The following ETFA variants were observed in gnomAD, a reference collection of about 807,000 sequenced individuals.
ETFA encodes the protein electron transfer flavoprotein subunit alpha, mitochondrial.
In ETFA, 22 loss-of-function variants were observed where a neutral mutation model predicts 46.2. The observed-to-expected ratio is 0.48, with a 90% CI of 0.34 to 0.68. The LOEUF (loss-of-function observed/expected upper bound fraction) is 0.68, where lower values mean the gene tolerates loss of function less well. Among genes scored for constraint, ETFA ranks in the 30% least tolerant of loss-of-function variants. The pLI is 0.01. For missense variants in ETFA, 345 were observed against 401.1 expected (o/e 0.86, Z 1.19); for synonymous variants, 131 against 139.9 (o/e 0.94, Z 0.45).
chr15:76,246,649 G>C (rs56313024), intron 9 of ETFA, among the ~76,000 whole-genome samples: 11,747 of 152,008 alleles, frequency 0.077, 509 homozygotes, highest in Middle Eastern at 0.12. Context: ...GGCTAACATG[G>C]TGAAATCCTG....
rs2469543 is a variant in ETFA, at chr15:76,263,274, G to A, written c.816+11138C>T. 3.4e-3 allele frequency among the ~76,000 whole-genome samples: 510 copies of A among 152,156 alleles called. 1 individual carries two copies. Among genetic ancestry groups the A allele is most frequent in the African/African-American group, 0.012 (480 of 41,496 alleles). ...CATCTTTTCTCATTCCTTTGACTCC[G>A]CCGGACTTTGTAGCCCCCATGGCCT... On this transcript the variant is annotated intron_variant, in intron 9 of 11. Coordinates refer to ENST00000557943, the MANE Select transcript of ETFA (RefSeq NM_000126.4).
intron 1 of ETFA, among the ~76,000 whole-genome samples, chr15:76,307,503 T>C (rs76354684): frequency 1.3e-5 from 2 of 152,208 alleles, no homozygotes; most frequent in South Asian, 4.1e-4. Context: ...TTTTTTTTTT[T>C]TGAAACAGCG....
Position 76,292,524 on chromosome 15 carries a change from A to T in ETFA, c.269-11T>A, listed in dbSNP as rs2039776268. 6.2e-7 allele frequency: 1 copy of T among 1,607,856 alleles called. No homozygotes were observed. Among genetic ancestry groups the T allele is most frequent in the African/African-American group, 1.3e-5 (1 of 74,830 alleles). On this transcript the variant is annotated splice_polypyrimidine_tract_variant and intron_variant, in intron 3 of 11. Transcript: ENST00000557943. ...ATGGTGTCAGTTCCTCTGAGAATTA[A>T]ACACATTTGATAAAAAAATATTTTG...
chr15:76,262,535 T>C (rs2039427528), intron 9 of ETFA, among the ~76,000 whole-genome samples: 1 of 129,094 alleles, frequency 7.7e-6, no homozygotes, highest in African/African-American at 2.8e-5. Flanking sequence ...CAGGCTGGAA[T>C]GCAGTGGTGC....
rs2039407905 is a variant in ETFA at position 76,261,161 on chromosome 15, G to T, written c.816+13251C>A. On this transcript the variant is annotated intron_variant, in intron 9 of 11. Transcript: ENST00000557943. ...TTTAAAACAAATGGAGAGGGAGCAG[G>T]TCCCCCGATCTTCGTAGTTCCTCTC... 3 of 1,531,688 alleles carry T rather than the reference G, an allele frequency of 2.0e-6. No homozygotes were observed. The East Asian group carries it at 6.8e-5, about 35-fold the overall frequency. The allele number at this position is 1,531,688 out of a possible 1,614,324, so 94.9% of individuals were successfully genotyped here.
Position 76,292,459 on chromosome 15 carries a change from A to G in ETFA, c.323T>C (p.Ile108Thr), listed in dbSNP as rs1414148078. The change falls in exon 4 of 12, where the codon ATC (isoleucine) becomes ACC (threonine). Residue 108 changes from isoleucine (I) to threonine (T), a missense_variant. Physicochemically the swap from Ile to Thr is moderately conservative, Grantham distance 89. Transcript: ENST00000557943. ...TCCGAAGGCAGATGCTCCAGCACAGATGTGTGTGTAATTGAACTGCTTCTG... is the reference window on the plus strand; with the variant it reads ...TCCGAAGGCAGATGCTCCAGCACAGGTGTGTGTGTAATTGAACTGCTTCTG... ...ATQKQFNYTH[I>T]CAGASAFGKN... 1 of 1,613,644 alleles carries G rather than the reference A, an allele frequency of 6.2e-7. No individual in the cohort carries two copies. Among genetic ancestry groups the G allele is most frequent in the South Asian group, 1.1e-5 (1 of 91,086 alleles).
At chr15:76,226,804 A>G (rs935779672) in intron 10 of ETFA, among the ~76,000 whole-genome samples, 1 of 151,732 alleles carries the variant, frequency 6.6e-6, no homozygotes, top group Admixed American at 6.6e-5. Flanking sequence ...GCGTGAACCC[A>G]GGAGGCGGAG....
At chr15:76,277,525 C>CAG (rs1395844142) in intron 8 of ETFA, among the ~76,000 whole-genome samples, 1 of 151,468 alleles carries the variant, frequency 6.6e-6, no homozygotes, top group East Asian at 1.9e-4. Flanking sequence ...AACAAAAAAC[C>CAG]AGAGTCTCAC....
chr15:76,304,549 A>G (rs1182782938), intron 1 of ETFA, among the ~76,000 whole-genome samples: 1 of 152,016 alleles, frequency 6.6e-6, no homozygotes. Flanking sequence ...CCGTAGCCCC[A>G]GCTACTTGGA....
chr15:76,222,458 G>A (rs1318418714), intron 11 of ETFA, among the ~76,000 whole-genome samples: 1 of 152,144 alleles, frequency 6.6e-6, no homozygotes, highest in Non-Finnish European at 1.5e-5. Context: ...TCTTGTGTCA[G>A]AATTACTACA....
At chr15:76,255,986 G>A (rs137923588) in intron 9 of ETFA, among the ~76,000 whole-genome samples, 26 of 151,784 alleles carry the variant, frequency 1.7e-4, no homozygotes, top group East Asian at 5.8e-4. Context: ...GGCAGAGCAC[G>A]GTGGCTCACA....
chr15:76,310,369 G>GAAAAAAAAAAAAAAA (rs34111559), intron 1 of ETFA, among the ~76,000 whole-genome samples: 47 of 104,434 alleles, frequency 4.5e-4, no homozygotes, highest in African/African-American at 1.5e-3. Flanking sequence ...TCCATGCCCA[G>GAAAAAAAAAAAAAAA]AAAAAAAAAA....
At chr15:76,234,171 C>T (rs2039098940) in intron 9 of ETFA, among the ~76,000 whole-genome samples, 1 of 152,116 alleles carries the variant, frequency 6.6e-6, no homozygotes, top group Non-Finnish European at 1.5e-5. Flanking sequence ...GTCTTGCAAA[C>T]ATGGTCCTCT....
Position 76,286,400 on chromosome 15 carries a change from G to C in ETFA, c.533C>G (p.Thr178Arg), listed in dbSNP as rs140169311. Residue 178 changes from threonine (T) to arginine (R), a missense_variant, in exon 6 of 12, where the codon ACA becomes AGA. Coordinates refer to ENST00000557943, the MANE Select transcript of ETFA (RefSeq NM_000126.4). ...TTCTGAACTGGCACTACCGCCACTT[G>C]TTGCTGCAGCATCAAAGGATGTTCC... ...VRGTSFDAAA[T>R]SGGSASSEKA... 807 of 1,613,016 alleles carry C rather than the reference G, an allele frequency of 5.0e-4. 3 individuals are homozygous for C. The highest frequency in any genetic ancestry group is 5.0e-4 in the Non-Finnish European group (595 of 1,179,154).
chr15:76,306,564 G>A (rs956434160), intron 1 of ETFA, among the ~76,000 whole-genome samples: 2 of 151,462 alleles, frequency 1.3e-5, no homozygotes, highest in Admixed American at 6.6e-5. Context: ...GCACCCAGCC[G>A]GTTTTTTTGC....
chr15:76,277,700 G>A (rs572489715), intron 8 of ETFA, among the ~76,000 whole-genome samples: 2 of 152,030 alleles, frequency 1.3e-5, no homozygotes, highest in African/African-American at 2.4e-5. Flanking sequence ...ATGGGGTTTC[G>A]CCAAGTTGGC....
chr15:76,257,410 T>G (rs2039355713), intron 9 of ETFA, among the ~76,000 whole-genome samples: 2 of 152,062 alleles, frequency 1.3e-5, no homozygotes. Context: ...AAAAGACACA[T>G]GAAAAAATGC....
At position 76,295,751 on chromosome 15, in the gene ETFA, A is replaced by C. The variant is rs1301154187; in HGVS notation, c.40-14T>G. ...TAGCAATGAGGCCTAAAAAGAGCAA[A>C]AAGGAAAAAAAAAGGTAAAGAATGT... On this transcript the variant is annotated splice_polypyrimidine_tract_variant and intron_variant, in intron 1 of 11. Transcript: ENST00000557943. 1.9e-6 allele frequency: 3 copies of C among 1,611,184 alleles called. No individual in the cohort carries two copies. Among genetic ancestry groups the C allele is most frequent in the Non-Finnish European group, 2.5e-6 (3 of 1,178,704 alleles).
intron 9 of ETFA, chr15:76,259,592 C>A (rs1378534578): frequency 7.6e-6 from 8 of 1,048,992 alleles, no homozygotes; most frequent in Non-Finnish European, 1.2e-5. Flanking sequence ...GCACAGTATA[C>A]AGGTTGTCAG....
Sources: gnomAD v4.1 joint callset for allele counts (sites outside exome capture counted in the v4.1 genomes callset) on GRCh38, gnomAD v4.1.1 for gene constraint, MANE v1.5 for transcripts, NCBI Gene and HGNC (gene_info 2026-07-23, HGNC 2026-07-21) for gene names.